YAF2: variants seen among roughly 807,000 people sequenced by gnomAD.
YAF2 encodes YY1 associated factor 2.
YAF2 carries 7 observed loss-of-function variants against 20.1 expected under a neutral mutation model. The observed-to-expected ratio is 0.35, with a 90% CI of 0.20 to 0.65. YAF2 has a LOEUF of 0.65. Among genes scored for constraint, YAF2 ranks in the 30% least tolerant of loss-of-function variants. The pLI is 0.69. For synonymous variants in YAF2, 74 were observed against 76.0 expected (o/e 0.97, Z 0.14); for missense variants, 151 against 219.2 (o/e 0.69, Z 1.96).
intron 2 of YAF2, chr12:42,234,821 C>T (rs989736657): frequency 2.6e-6 from 2 of 778,342 alleles, no homozygotes; most frequent in Non-Finnish European, 3.1e-6. Flanking sequence ...TCCCCCATCT[C>T]TACAAAAAAT....
chr12:42,226,890 C>T (rs906641628), intron 2 of YAF2, among the ~76,000 whole-genome samples: 2 of 149,978 alleles, frequency 1.3e-5, no homozygotes, highest in Non-Finnish European at 3.0e-5. Flanking sequence ...GAAGGCGCCG[C>T]GGGCTGGGGT....
chr12:42,218,963 T>C (rs954844449), intron 2 of YAF2, among the ~76,000 whole-genome samples: 2 of 152,186 alleles, frequency 1.3e-5, no homozygotes, highest in African/African-American at 4.8e-5. Flanking sequence ...AACTCACTAA[T>C]AGCTCTTCTT....
chr12:42,237,396 G>T (rs1027170517), intron 2 of YAF2: 2 of 1,279,790 alleles, frequency 1.6e-6, no homozygotes, highest in East Asian at 3.6e-5. Context: ...AGCAAAAAAC[G>T]TTACAGCCTC....
At chr12:42,232,890 AATG>A (rs1403436103) in intron 2 of YAF2, 2 of 985,216 alleles carry the variant, frequency 2.0e-6, no homozygotes, top group Non-Finnish European at 2.4e-6. Flanking sequence ...ATATATTTTT[AATG>A]AAGAAGTTCC....
intron 2 of YAF2, among the ~76,000 whole-genome samples, chr12:42,186,551 C>T (rs2066479133): frequency 6.6e-6 from 1 of 151,710 alleles, no homozygotes; most frequent in Non-Finnish European, 1.5e-5. Context: ...TGGCGGGTGC[C>T]TGTAATCCCA....
At chr12:42,221,225 TAAG>T (rs2067502272) in intron 2 of YAF2, among the ~76,000 whole-genome samples, 1 of 152,178 alleles carries the variant, frequency 6.6e-6, no homozygotes. Context: ...AAGAAATCTT[TAAG>T]AAGTTACTTG....
intron 2 of YAF2, among the ~76,000 whole-genome samples, chr12:42,206,518 A>C (rs1274481766): frequency 6.6e-6 from 1 of 151,890 alleles, no homozygotes; most frequent in African/African-American, 2.4e-5. Context: ...CTGAGGCTGG[A>C]GAATCGCTTG....
chr12:42,167,602 T>C (rs1408238836), intron 2 of YAF2, among the ~76,000 whole-genome samples: 1 of 152,260 alleles, frequency 6.6e-6, no homozygotes, highest in Admixed American at 6.5e-5. Flanking sequence ...ACACATATCC[T>C]GTAACTAATT....
intron 2 of YAF2, among the ~76,000 whole-genome samples, chr12:42,165,074 A>G (rs941655187): frequency 6.6e-6 from 1 of 151,858 alleles, no homozygotes; most frequent in African/African-American, 2.4e-5. Flanking sequence ...AAAAAAAAAA[A>G]AAAAAGAAAA....
chr12:42,161,787 A>G lies in YAF2; in HGVS notation c.153-22T>C, dbSNP rs183937434. 1.4e-3 allele frequency: 2,184 copies of G among 1,579,316 alleles called. 37 individuals carry two copies. Among genetic ancestry groups the G allele is most frequent in the Non-Finnish European group, 2.3e-4 (272 of 1,170,752 alleles). ...TTTCCTGTGTGCATGTTAAAAAGAA[A>G]GGTATTTTAAATTACAACTTAAAAC... On this transcript the variant is annotated intron_variant, in intron 2 of 3. Coordinates refer to ENST00000534854, the MANE Select transcript of YAF2 (RefSeq NM_005748.6).
chr12:42,170,845 C>A (rs115598994), intron 2 of YAF2, among the ~76,000 whole-genome samples: 1,599 of 152,202 alleles, frequency 0.011, 29 homozygotes, highest in African/African-American at 0.037. Context: ...CCAATAGTAT[C>A]ATTATTACCC....
intron 2 of YAF2, among the ~76,000 whole-genome samples, chr12:42,183,939 C>T (rs1303137710): frequency 1.3e-5 from 2 of 152,238 alleles, no homozygotes; most frequent in Non-Finnish European, 2.9e-5. Flanking sequence ...CCAATGCTCA[C>T]TGACCATTCC....
At chr12:42,210,409 C>T in intron 2 of YAF2, 2 of 1,533,100 alleles carry the variant, frequency 1.3e-6, no homozygotes, top group Non-Finnish European at 1.7e-6. Context: ...ACCTCTCTTG[C>T]CCTTCTGTTC....
At chr12:42,168,721 T>TA (rs2136983826) in intron 2 of YAF2, among the ~76,000 whole-genome samples, 1 of 152,252 alleles carries the variant, frequency 6.6e-6, no homozygotes, top group South Asian at 2.1e-4. Context: ...TCAAAGTAGT[T>TA]ACAGTAAGCA....
At chr12:42,205,833 C>A (rs755172994) in intron 2 of YAF2, 1 of 353,452 alleles carries the variant, frequency 2.8e-6, no homozygotes, top group Non-Finnish European at 5.8e-6. Context: ...ATAAATTTAT[C>A]CCCAAGTACC....
At chr12:42,226,294 T>C (rs914363177) in intron 2 of YAF2, among the ~76,000 whole-genome samples, 3 of 152,198 alleles carry the variant, frequency 2.0e-5, no homozygotes, top group African/African-American at 7.2e-5. Context: ...AATGAGATCA[T>C]AACAATATTA....
intron 2 of YAF2, among the ~76,000 whole-genome samples, chr12:42,216,618 G>C (rs925895156): frequency 6.6e-6 from 1 of 151,936 alleles, no homozygotes; most frequent in East Asian, 1.9e-4. Flanking sequence ...TTCCCTCCCT[G>C]ATCTGTCTTA....
chr12:42,165,719 C>T (rs1472679180), intron 2 of YAF2, among the ~76,000 whole-genome samples: 1 of 150,520 alleles, frequency 6.6e-6, no homozygotes, highest in Non-Finnish European at 1.5e-5. Flanking sequence ...GATCTGCCCG[C>T]CTCAGCCTCC....
intron 2 of YAF2, chr12:42,236,065 G>T: frequency 6.6e-7 from 1 of 1,510,218 alleles, no homozygotes; most frequent in Non-Finnish European, 8.8e-7. Context: ...AATAGAGAGG[G>T]AACAACAAAA....
Sources: allele counts gnomAD v4.1 joint callset (sites outside exome capture counted in the v4.1 genomes callset), GRCh38; gene constraint gnomAD v4.1.1; transcripts MANE v1.5; gene names NCBI Gene and HGNC (gene_info 2026-07-23, HGNC 2026-07-21).